Variants in FBXO7 observed in about 807,000 individuals in gnomAD.
The protein encoded by FBXO7 is F-box protein 7.
FBXO7 carries 31 observed loss-of-function variants against 50.2 expected under a neutral mutation model. The observed-to-expected ratio is 0.62, with a 90% CI of 0.46 to 0.83. FBXO7 has a LOEUF of 0.83. Among genes scored for constraint, FBXO7 ranks in the 40% least tolerant of loss-of-function variants. FBXO7 has a pLI of 0.00. For synonymous variants in FBXO7, 256 were observed against 253.1 expected (o/e 1.01, Z -0.11); for missense variants, 667 against 646.6 (o/e 1.03, Z -0.34).
rs1014665810 is a variant in FBXO7, at chr22:32,494,285, A to G, written c.1144+1004A>G. Among the ~76,000 whole-genome samples, 3 of 151,928 alleles carry G rather than the reference A, an allele frequency of 2.0e-5. No homozygotes were observed. In the East Asian group the frequency reaches 5.8e-4, roughly 29 times the overall value. On this transcript the variant is annotated intron_variant, in intron 7 of 8. Transcript: ENST00000266087. Reference sequence around the variant, plus strand: ...TTATGCCCCTGAATTTGACATTTAAAATGTTATTTTGTCACAATTGGCAGC... The same window carrying G: ...TTATGCCCCTGAATTTGACATTTAAGATGTTATTTTGTCACAATTGGCAGC...
chr22:32,495,718 A>G (rs1170343470), intron 8 of FBXO7, among the ~76,000 whole-genome samples, 188 bp downstream of exon 8: 1 of 152,226 alleles, frequency 6.6e-6, no homozygotes, highest in Non-Finnish European at 1.5e-5. Flanking sequence ...ATTATATGGA[A>G]AAAAATGTTA....
chr22:32,478,290 T>G (rs1372580337), intron 1 of FBXO7: 1 of 152,546 alleles, frequency 6.6e-6, no homozygotes, highest in African/African-American at 2.4e-5. Context: ...TAATTTGTAT[T>G]TTAAAGGTAT....
chr22:32,498,426 C>G lies in FBXO7; in HGVS notation c.1465C>G (p.Pro489Ala), dbSNP rs758618686. The G allele has an allele frequency of 6.2e-7, 1 of 1,614,198 alleles. No individual in the cohort carries two copies. Among genetic ancestry groups the G allele is most frequent in the Non-Finnish European group, 8.5e-7 (1 of 1,180,024 alleles). The change falls in exon 9 of 9, where the codon CCA (proline) becomes GCA (alanine). Residue 489 changes from proline (P) to alanine (A), a missense_variant. Pro to Ala is a conservative substitution (Grantham distance 27). Coordinates refer to ENST00000266087, the MANE Select transcript of FBXO7 (RefSeq NM_012179.4). ...RPRFDPVGPL[P>A]GPNPILPGRG... The stretch of plus-strand genomic sequence containing the variant: ...ACGCTTTGATCCAGTTGGCCCACTT[C>G]CAGGACCTAACCCCATCTTGCCAGG...
At chr22:32,477,147 A>G (rs1283652983) in intron 1 of FBXO7, among the ~76,000 whole-genome samples, 2 of 152,220 alleles carry the variant, frequency 1.3e-5, no homozygotes, top group Admixed American at 1.3e-4. Context: ...AAAGAGAAGC[A>G]GGGCCACTTG....
chr22:32,498,525 A>C lies in FBXO7; in HGVS notation c.1564A>C (p.Met522Leu). 1 of 1,612,638 alleles carries C rather than the reference A, an allele frequency of 6.2e-7. No individual in the cohort carries two copies. The change falls in exon 9 of 9, where the codon ATG becomes CTG. Residue 522 changes from methionine to leucine, a missense_variant. By Grantham distance (15) the Met-to-Leu change is conservative. Transcript: ENST00000266087. The part of the protein sequence containing the change: ...GRPTDGRLSF[M>L] ...GCCAACTGATGGCCGGCTGTCATTC[A>C]TGTGATTGATTTGTAATTTCATTTC... is the stretch of plus-strand genomic sequence containing the variant.
Position 32,475,170 on chromosome 22 carries a change from C to T in FBXO7, c.122+46C>T, listed in dbSNP as rs764815275. On this transcript the variant is annotated intron_variant, in intron 1 of 8. Transcript: ENST00000266087. ...GGCGGCCCGCGGGGAGTGGGGAGTG[C>T]TTGGGGTGGGTGCAGGGCGGGTTGG... The T allele has an allele frequency of 8.8e-6, 13 of 1,473,624 alleles. No individual in the cohort carries two copies. The African/African-American group carries it at 1.6e-4, about 18-fold the overall frequency. 91.3% of individuals were successfully genotyped at this position (1,473,624 alleles called of 1,614,324 possible). A position where few individuals can be genotyped will look rare whatever the true frequency, so the allele number is the denominator to read the frequency against.
chr22:32,488,355 T>C (rs1398872571), intron 5 of FBXO7: 1 of 153,176 alleles, frequency 6.5e-6, no homozygotes, highest in Non-Finnish European at 1.5e-5. Context: ...GCTTAAACTC[T>C]ATAAAATTAT....
chr22:32,498,259 C>A lies in FBXO7; in HGVS notation c.1298C>A (p.Pro433Gln). 1 of 1,614,208 alleles carries A rather than the reference C, an allele frequency of 6.2e-7. No homozygotes were observed. The highest frequency in any genetic ancestry group is 8.5e-7 in the Non-Finnish European group (1 of 1,180,050). ...TATCCCAACCCCTTGCACCCTAGGC[C>A]ATTTCCTAGCTCCCGCCTTCCTCCA... Reference protein sequence around the residue: ...PFYPNPLHPRPFPSSRLPPGI... With the variant: ...PFYPNPLHPRQFPSSRLPPGI... The change falls in exon 9 of 9, where the codon CCA becomes CAA. Residue 433 changes from proline (P) to glutamine (Q), a missense_variant. Coordinates refer to ENST00000266087, the MANE Select transcript of FBXO7 (RefSeq NM_012179.4).
chr22:32,498,320 A>G lies in FBXO7; in HGVS notation c.1359A>G (p.Thr453=). Residue 453 remains threonine, a synonymous_variant, in exon 9 of 9, where the codon ACA becomes ACG. Transcript: ENST00000266087. ...IIGGEYDQRP[T]LPYVGDPISS... ...GGGGTGAATATGACCAAAGACCAAC[A>G]CTTCCCTATGTTGGAGACCCAATCA... is the stretch of plus-strand genomic sequence containing the variant. 6.2e-7 allele frequency: 1 copy of G among 1,613,996 alleles called. No homozygotes were observed. Among genetic ancestry groups the G allele is most frequent in the Non-Finnish European group, 8.5e-7 (1 of 1,180,000 alleles).
At chr22:32,491,592 TATATTTAGATATATATGTCTATATAGAC>T (rs140944102) in intron 6 of FBXO7, 89,072 of 145,982 alleles carry the variant, frequency 0.61, 27,340 homozygotes, top group East Asian at 0.68. Context: ...TATATAGACA[TATATTTAGATATATATGTCTATATAGAC>T]ATATATAAAT....
intron 2 of FBXO7, among the ~76,000 whole-genome samples, chr22:32,481,022 T>A (rs715567): frequency 0.42 from 63,301 of 151,970 alleles, 13,686 homozygotes; most frequent in East Asian, 0.69. Context: ...ATTTTTTTAA[T>A]ACCAATACAC....
At chr22:32,487,095 A>C (rs1181456156) in intron 4 of FBXO7, among the ~76,000 whole-genome samples, 1 of 152,240 alleles carries the variant, frequency 6.6e-6, no homozygotes, top group Non-Finnish European at 1.5e-5. Flanking sequence ...AGCTCTTGGC[A>C]GACTTGCATG....
intron 1 of FBXO7, chr22:32,475,549 CAG>C (rs2057422450): frequency 2.1e-6 from 2 of 966,142 alleles, no homozygotes; most frequent in Non-Finnish European, 3.0e-6. Context: ...TTAATTTCTT[CAG>C]CTGTTGGAGT....
At chr22:32,480,816 C>G (rs1032389892) in intron 2 of FBXO7, among the ~76,000 whole-genome samples, 2 of 151,958 alleles carry the variant, frequency 1.3e-5, no homozygotes, top group Admixed American at 1.3e-4. Context: ...ACCACAGACA[C>G]CACCACGCCT....
intron 8 of FBXO7, among the ~76,000 whole-genome samples, chr22:32,496,911 G>T (rs527480520): frequency 7.2e-5 from 11 of 152,330 alleles, no homozygotes; most frequent in South Asian, 6.2e-4. Flanking sequence ...ATGCCATTAA[G>T]CATACTGAGG....
In FBXO7 at chr22:32,479,302, A is replaced by G. The variant is rs768066399; in HGVS notation, c.417+27A>G. 1.9e-6 allele frequency: 3 copies of G among 1,609,556 alleles called. No homozygotes were observed. The South Asian group carries it at 3.3e-5, about 18-fold the overall frequency. ...TGGGTATTAAACACCAATATATCAA[A>G]TAGAGTAGGTGATAAGTCATATTGA... On this transcript the variant is annotated intron_variant, in intron 2 of 8. Transcript: ENST00000266087.
intron 1 of FBXO7, among the ~76,000 whole-genome samples, chr22:32,477,509 C>T (rs7291067): frequency 3.5e-4 from 53 of 152,068 alleles, no homozygotes; most frequent in Admixed American, 2.5e-3. Context: ...TTGTTGCTTC[C>T]GGGCTTATTT....
rs2048823332 is a variant in FBXO7 at position 32,484,105 on chromosome 22, A to C, written c.626A>C (p.Glu209Ala). Reference sequence around the variant, plus strand: ...GTGTTGATACATCTTCTCATGTTGGAGTCAGGTTACATACCTCAGGTAAGT... The same window carrying C: ...GTGTTGATACATCTTCTCATGTTGGCGTCAGGTTACATACCTCAGGTAAGT... ...LIVLIHLLML[E>A]SGYIPQGTEA... is the part of the protein sequence containing the mutation. Residue 209 changes from glutamate to alanine, a missense_variant, in exon 3 of 9, where the codon GAG becomes GCG. By Grantham distance (107) the Glu-to-Ala change is moderately radical. Coordinates refer to ENST00000266087, the MANE Select transcript of FBXO7 (RefSeq NM_012179.4). 1 of 1,614,042 alleles carries C rather than the reference A, an allele frequency of 6.2e-7. No individual in the cohort carries two copies. Among genetic ancestry groups the C allele is most frequent in the Non-Finnish European group, 8.5e-7 (1 of 1,179,998 alleles).
At chr22:32,480,512 C>T (rs1438395341) in intron 2 of FBXO7, among the ~76,000 whole-genome samples, 1 of 151,786 alleles carries the variant, frequency 6.6e-6, no homozygotes, top group Non-Finnish European at 1.5e-5. Flanking sequence ...TCTTGCTGTT[C>T]ACCCAGACTG....
Sources: gnomAD v4.1 joint callset for allele counts (sites outside exome capture counted in the v4.1 genomes callset) on GRCh38, gnomAD v4.1.1 for gene constraint, MANE v1.5 for transcripts, NCBI Gene and HGNC (gene_info 2026-07-23, HGNC 2026-07-21) for gene names.